Variants in SCFD2 observed in about 807,000 individuals in gnomAD.
SCFD2 encodes sec1 family domain containing 2, also known as sec1 family domain-containing protein 2.
Under a neutral mutation model 58.9 loss-of-function variants are expected in SCFD2, and 54 were observed. That is an observed-to-expected ratio of 0.92 (90% confidence interval 0.74 to 1.15). The LOEUF (loss-of-function observed/expected upper bound fraction) is 1.15, where lower values mean the gene tolerates loss of function less well. SCFD2 is among the 50% of genes most tolerant of loss of function. The probability of loss-of-function intolerance (pLI) is 0.00; values close to 1 mark genes in which losing one functional copy is unlikely to be tolerated. For synonymous variants in SCFD2, 321 were observed against 335.9 expected (o/e 0.96, Z 0.49); for missense variants, 805 against 836.6 (o/e 0.96, Z 0.47).
chr4:53,244,587 T>A (rs1444449202), intron 4 of SCFD2, among the ~76,000 whole-genome samples: 1 of 152,088 alleles, frequency 6.6e-6, no homozygotes, highest in Non-Finnish European at 1.5e-5. Flanking sequence ...GGGACACAGC[T>A]AAGGCAGTGT....
intron 3 of SCFD2, among the ~76,000 whole-genome samples, chr4:53,311,816 A>G (rs1263885871): frequency 1.3e-5 from 2 of 151,892 alleles, no homozygotes; most frequent in Non-Finnish European, 2.9e-5. Context: ...TTGTATTTTT[A>G]GTAGAGACAG....
chr4:53,030,334 T>C lies in SCFD2; in HGVS notation c.1562-109464A>G, dbSNP rs144217419. On this transcript the variant is annotated intron_variant, in intron 5 of 8. Transcript: ENST00000401642. ...GAAACAAAAAAGGAAATCCTGACAA[T>C]ACTAAGTGCTGGTAAGGATATGCAG... Among the ~76,000 whole-genome samples, 1,086 of 151,912 alleles carry C rather than the reference T, an allele frequency of 7.1e-3. 4 individuals are homozygous for C. Among genetic ancestry groups the C allele is most frequent in the Non-Finnish European group, 0.012 (841 of 67,954 alleles).
intron 5 of SCFD2, among the ~76,000 whole-genome samples, chr4:52,943,544 G>A (rs1476836412): frequency 2.6e-5 from 4 of 151,994 alleles, no homozygotes; most frequent in African/African-American, 9.7e-5. Context: ...AGTAACTTGT[G>A]CCCATATCCT....
intron 4 of SCFD2, among the ~76,000 whole-genome samples, chr4:53,249,649 A>T (rs1406254997): frequency 7.2e-5 from 11 of 152,332 alleles, no homozygotes; most frequent in Admixed American, 2.6e-4. Context: ...GGGGCCAATA[A>T]TCAACATTCT....
rs577405973 is a variant in SCFD2, at chr4:53,270,140, T to A, written c.1311+3686A>T. ...ATGTGTGTGTGTGCATATGTTTACA[T>A]GTGTATGAGTATATGTGTGTGTGGG... On this transcript the variant is annotated intron_variant, in intron 4 of 8. Coordinates refer to ENST00000401642, the MANE Select transcript of SCFD2 (RefSeq NM_152540.4). Among the ~76,000 whole-genome samples, 5 of 152,342 alleles carry A rather than the reference T, an allele frequency of 3.3e-5. No homozygotes were observed. In the East Asian group the frequency reaches 9.6e-4, roughly 29 times the overall value.
chr4:53,130,893 A>G (rs539609630), intron 5 of SCFD2, among the ~76,000 whole-genome samples: 2 of 152,334 alleles, frequency 1.3e-5, no homozygotes, highest in African/African-American at 2.4e-5. Context: ...AAGGAAGAAG[A>G]TGCAGAGAAC....
intron 5 of SCFD2, among the ~76,000 whole-genome samples, chr4:53,096,681 G>A (rs1286335189): frequency 6.6e-6 from 1 of 152,208 alleles, no homozygotes; most frequent in Non-Finnish European, 1.5e-5. Flanking sequence ...TCACTTTGAT[G>A]ATAGCTTCTT....
At chr4:52,901,871 T>A (rs564117304) in intron 7 of SCFD2, among the ~76,000 whole-genome samples, 1 of 152,346 alleles carries the variant, frequency 6.6e-6, no homozygotes, top group East Asian at 1.9e-4. Context: ...TACCCTGACT[T>A]TCCTATCGCA....
intron 4 of SCFD2, among the ~76,000 whole-genome samples, chr4:53,253,658 A>G (rs1730483985): frequency 1.4e-5 from 2 of 146,978 alleles, no homozygotes; most frequent in Admixed American, 7.1e-5. Flanking sequence ...CAAACACCAC[A>G]TGTTTTCACT....
intron 5 of SCFD2, among the ~76,000 whole-genome samples, chr4:52,975,939 C>A (rs1232980588): frequency 6.8e-6 from 1 of 147,550 alleles, no homozygotes; most frequent in Non-Finnish European, 1.5e-5. Flanking sequence ...AACCAAACAC[C>A]ACATGTTCTC....
intron 4 of SCFD2, among the ~76,000 whole-genome samples, chr4:53,244,829 A>AT (rs139451703): frequency 0.19 from 29,230 of 150,410 alleles, 3,170 homozygotes; most frequent in Non-Finnish European, 0.26. Flanking sequence ...TGAAAAAAAA[A>AT]AATAATAATA....
At chr4:53,232,160 C>T (rs1577871442) in intron 4 of SCFD2, among the ~76,000 whole-genome samples, 3 of 152,088 alleles carry the variant, frequency 2.0e-5, no homozygotes, top group East Asian at 3.9e-4. Flanking sequence ...GCAAGGAAAA[C>T]AAACTTTAAA....
chr4:53,314,726 CA>C (rs1462886856), intron 2 of SCFD2, among the ~76,000 whole-genome samples: 1 of 152,148 alleles, frequency 6.6e-6, no homozygotes, highest in Non-Finnish European at 1.5e-5. Context: ...CCTAATAAGA[CA>C]TATCTTCCAA....
Position 53,000,647 on chromosome 4 carries a change from C to G in SCFD2, c.1562-79777G>C, listed in dbSNP as rs1721842956. Among the ~76,000 whole-genome samples, 3 of 152,214 alleles carry G rather than the reference C, an allele frequency of 2.0e-5. No homozygotes were observed. In the South Asian group the frequency reaches 6.2e-4, roughly 32 times the overall value. ...CACGTTACCCAGAGTCTTGGCCTATCTTCCAGGCCAGCCTACTGCCCCTGG... is the reference window on the plus strand; with the variant it reads ...CACGTTACCCAGAGTCTTGGCCTATGTTCCAGGCCAGCCTACTGCCCCTGG... On this transcript the variant is annotated intron_variant, in intron 5 of 8. Transcript: ENST00000401642.
intron 5 of SCFD2, among the ~76,000 whole-genome samples, chr4:52,983,940 G>A (rs1178497942): frequency 1.3e-5 from 2 of 152,206 alleles, no homozygotes; most frequent in African/African-American, 4.8e-5. Context: ...AATTTAGGCT[G>A]TTTTGCCAAA....
At chr4:53,328,090 G>A (rs1431808886) in intron 2 of SCFD2, among the ~76,000 whole-genome samples, 2 of 151,900 alleles carry the variant, frequency 1.3e-5, no homozygotes. Flanking sequence ...AGCCGAGATA[G>A]TGCCACTGCA....
At chr4:53,038,436 G>C (rs970653012) in intron 5 of SCFD2, among the ~76,000 whole-genome samples, 7 of 152,094 alleles carry the variant, frequency 4.6e-5, no homozygotes, top group African/African-American at 1.4e-4. Flanking sequence ...TGATAATTGG[G>C]CTCCTTTATA....
At chr4:53,316,262 T>A (rs938645478) in intron 2 of SCFD2, among the ~76,000 whole-genome samples, 2 of 152,232 alleles carry the variant, frequency 1.3e-5, no homozygotes, top group Non-Finnish European at 2.9e-5. Context: ...GGTCCTTCTA[T>A]GAAGGCAGGG....
chr4:53,160,831 T>C (rs1726831250), intron 4 of SCFD2, among the ~76,000 whole-genome samples: 6 of 152,336 alleles, frequency 3.9e-5, no homozygotes, highest in Middle Eastern at 3.4e-3. Context: ...GGGGCACTAG[T>C]TGACATTCTG....
Sources: gnomAD v4.1 joint callset for allele counts (sites outside exome capture counted in the v4.1 genomes callset) on GRCh38, gnomAD v4.1.1 for gene constraint, MANE v1.5 for transcripts, NCBI Gene and HGNC (gene_info 2026-07-23, HGNC 2026-07-21) for gene names.